The following NR3C1 variants were observed in gnomAD, a reference collection of about 807,000 sequenced individuals.
NR3C1 encodes the protein nuclear receptor subfamily 3 group C member 1.
Under a neutral mutation model 74.0 loss-of-function variants are expected in NR3C1, and 14 were observed. That is an observed-to-expected ratio of 0.19 (90% CI 0.12 to 0.30). The LOEUF is 0.30. NR3C1 is among the 10% of genes least tolerant of loss of function. NR3C1 has a pLI of 1.00. For synonymous variants in NR3C1, 308 were observed against 332.5 expected, an observed-to-expected ratio of 0.93 and a Z score of 0.80; for missense variants, 695 against 909.8, an observed-to-expected ratio of 0.76 and a Z score of 3.04.
At chr5:143,331,191 G>C (rs1016308547) in intron 2 of NR3C1, among the ~76,000 whole-genome samples, 1 of 152,086 alleles carries the variant, frequency 6.6e-6, no homozygotes, top group African/African-American at 2.4e-5. Context: ...ACAAAAACAA[G>C]TAATGGGGAA....
intron 2 of NR3C1, among the ~76,000 whole-genome samples, chr5:143,382,995 G>A (rs958801318): frequency 5.3e-5 from 8 of 152,176 alleles, no homozygotes; most frequent in African/African-American, 1.9e-4. Context: ...GCCTGTCTTT[G>A]GGCTTTCTCT....
intron 2 of NR3C1, among the ~76,000 whole-genome samples, chr5:143,376,859 G>A (rs1835295750): frequency 6.6e-6 from 1 of 152,180 alleles, no homozygotes; most frequent in East Asian, 1.9e-4. Flanking sequence ...TGTGACTTAA[G>A]GGTATCAGGG....
At chr5:143,379,769 C>T (rs1835853314) in intron 2 of NR3C1, among the ~76,000 whole-genome samples, 1 of 152,192 alleles carries the variant, frequency 6.6e-6, no homozygotes, top group African/African-American at 2.4e-5. Context: ...CCTACTTTCA[C>T]CATTCATTGC....
chr5:143,300,865 TG>T lies in NR3C1; in HGVS notation c.1469-103del, dbSNP rs1439801574. 2 of 1,158,422 alleles carry T rather than the reference TG, an allele frequency of 1.7e-6. No homozygotes were observed. The highest frequency in any genetic ancestry group is 5.0e-5 in the East Asian group (2 of 40,156). The allele number at this position is 1,158,422 out of a possible 1,614,324, so 71.8% of individuals were successfully genotyped here. On this transcript the variant is annotated intron_variant, in intron 4 of 8. Coordinates refer to ENST00000394464, the MANE Select transcript of NR3C1 (RefSeq NM_000176.3). The surrounding 1 kb of genome is among the most constrained non-coding windows in gnomAD (Gnocchi z 5.2). ...TTTTTACTTTCTAAAACTATTAAGA[TG>T]GGAGAAATATTTTATTTAGCAATTA...
rs187757027 is a variant in NR3C1, at chr5:143,315,573, G to A, written c.1185-1405C>T. ...AGAAATAAACTTAAATTGGGTGTTCGTTGTCTCTGTTATTCTTTATTATCT... is the reference window on the plus strand; with the variant it reads ...AGAAATAAACTTAAATTGGGTGTTCATTGTCTCTGTTATTCTTTATTATCT... On this transcript the variant is annotated intron_variant, in intron 2 of 8. Coordinates refer to ENST00000394464, the MANE Select transcript of NR3C1 (RefSeq NM_000176.3). Among the ~76,000 whole-genome samples the A allele has an allele frequency of 2.7e-3, 417 of 152,004 alleles. 1 individual carries two copies. The highest frequency in any genetic ancestry group is 6.8e-3 in the Middle Eastern group (2 of 292).
At chr5:143,395,201 T>C (rs528890418) in intron 2 of NR3C1, among the ~76,000 whole-genome samples, 1 of 152,084 alleles carries the variant, frequency 6.6e-6, no homozygotes, top group African/African-American at 2.4e-5. Flanking sequence ...AGACCTTTTC[T>C]TTTTTAAAAT....
At chr5:143,396,328 A>G (rs1449385238) in intron 2 of NR3C1, among the ~76,000 whole-genome samples, 1 of 151,860 alleles carries the variant, frequency 6.6e-6, no homozygotes, top group Non-Finnish European at 1.5e-5. Context: ...TTAAAAAGAA[A>G]TCTCCTTTAA....
intron 2 of NR3C1, among the ~76,000 whole-genome samples, chr5:143,326,553 A>G (rs1003363139): frequency 6.6e-6 from 1 of 152,234 alleles, no homozygotes; most frequent in African/African-American, 2.4e-5. Context: ...AAAAGTATAA[A>G]TAGGAGTGTT....
chr5:143,303,046 A>G lies in NR3C1; in HGVS notation c.1469-2283T>C, dbSNP rs572049299. 7.1e-4 allele frequency among the ~76,000 whole-genome samples: 108 copies of G among 152,260 alleles called. 1 individual carries two copies. Among genetic ancestry groups the G allele is most frequent in the African/African-American group, 2.2e-3 (92 of 41,566 alleles). ...TTGATAGACCACTAGCAAGATTAAC[A>G]AAGAAAAAAAGAGTGAAGACCCAAA... On this transcript the variant is annotated intron_variant, in intron 4 of 8. Transcript: ENST00000394464.
chr5:143,331,270 A>C (rs1825881002), intron 2 of NR3C1, among the ~76,000 whole-genome samples: 1 of 152,236 alleles, frequency 6.6e-6, no homozygotes, highest in African/African-American at 2.4e-5. Context: ...ATTATTAAAA[A>C]GTCAGAAAAT....
chr5:143,390,550 A>G (rs1467139579), intron 2 of NR3C1, among the ~76,000 whole-genome samples: 5 of 152,190 alleles, frequency 3.3e-5, no homozygotes, highest in Non-Finnish European at 7.4e-5. Flanking sequence ...TCAGGCTTAG[A>G]GGTGAATAGT....
chr5:143,311,406 T>C (rs1436399984), intron 3 of NR3C1, among the ~76,000 whole-genome samples: 1 of 152,212 alleles, frequency 6.6e-6, no homozygotes. Flanking sequence ...CCAATCTTGA[T>C]TTCTTTATCC....
At chr5:143,312,472 T>G (rs575692108) in intron 3 of NR3C1, among the ~76,000 whole-genome samples, 2 of 152,130 alleles carry the variant, frequency 1.3e-5, no homozygotes, top group Admixed American at 1.3e-4. Context: ...ACCTATTGAT[T>G]AGAGTCAAAA....
At chr5:143,290,234 G>A (rs1396426639) in intron 7 of NR3C1, among the ~76,000 whole-genome samples, 1 of 152,158 alleles carries the variant, frequency 6.6e-6, no homozygotes, top group African/African-American at 2.4e-5. Flanking sequence ...AGCAAACTTT[G>A]GCCTATGGGC....
chr5:143,362,384 G>A (rs572551956), intron 2 of NR3C1, among the ~76,000 whole-genome samples: 4 of 149,238 alleles, frequency 2.7e-5, no homozygotes, highest in South Asian at 2.1e-4. Flanking sequence ...TTGTTGAGAC[G>A]GAGTCTTGCT....
At chr5:143,391,441 T>A (rs1002729364) in intron 2 of NR3C1, among the ~76,000 whole-genome samples, 2 of 152,178 alleles carry the variant, frequency 1.3e-5, no homozygotes, top group Admixed American at 6.5e-5. Context: ...TGTAAAAAAA[T>A]TTTAAACCTG....
At chr5:143,348,954 C>T (rs1369641577) in intron 2 of NR3C1, among the ~76,000 whole-genome samples, 1 of 152,094 alleles carries the variant, frequency 6.6e-6, no homozygotes, top group Non-Finnish European at 1.5e-5. Context: ...ATTTTTCTCT[C>T]CATGCATGCC....
At chr5:143,292,298 G>T (rs1816115479) in intron 7 of NR3C1, among the ~76,000 whole-genome samples, 1 of 151,992 alleles carries the variant, frequency 6.6e-6, no homozygotes. Context: ...TTATATGGTG[G>T]TAAGGTGTTG....
Position 143,309,372 on chromosome 5 carries a change from C to G in NR3C1, c.1468+725G>C, listed in dbSNP as rs117043687. The stretch of plus-strand genomic sequence containing the variant: ...AAGAAACTTTCTCAGAAACTTCTCA[C>G]TGTTGTGTGCATTCAGGTCATGGAG... On this transcript the variant is annotated intron_variant, in intron 4 of 8. Coordinates refer to ENST00000394464, the MANE Select transcript of NR3C1 (RefSeq NM_000176.3). Among the ~76,000 whole-genome samples, 154 of 152,328 alleles carry G rather than the reference C, an allele frequency of 1.0e-3. 3 individuals are homozygous for G. The East Asian group carries it at 0.022, about 22-fold the overall frequency.
Sources: allele counts gnomAD v4.1 joint callset (sites outside exome capture counted in the v4.1 genomes callset), GRCh38; gene constraint gnomAD v4.1.1; non-coding constraint Gnocchi (gnomAD v3.1); transcripts MANE v1.5; gene names NCBI Gene and HGNC (gene_info 2026-07-23, HGNC 2026-07-21).